PCDH19: variants seen among roughly 807,000 people sequenced by gnomAD.
PCDH19 encodes protocadherin 19.
A neutral mutation model predicts 46.2 loss-of-function variants in PCDH19; 6 were observed. The ratio of observed to expected loss-of-function variants is 0.13; its 90% CI spans 0.07 to 0.26. The LOEUF is 0.26. Among genes scored for constraint, PCDH19 ranks in the 10% least tolerant of loss-of-function variants. The probability of loss-of-function intolerance (pLI) is 1.00; values close to 1 mark genes in which losing one functional copy is unlikely to be tolerated. For synonymous variants in PCDH19, 481 were observed against 415.7 expected, an observed-to-expected ratio of 1.16 and a Z score of -1.91; for missense variants, 740 against 972.3, an observed-to-expected ratio of 0.76 and a Z score of 3.18.
intron 3 of PCDH19, among the ~76,000 whole-genome samples, chrX:100,360,456 T>C (rs1015462424): frequency 8.9e-6 from 1 of 112,603 alleles, no homozygotes; most frequent in African/African-American, 3.2e-5. Flanking sequence ...TTCTCTTTTG[T>C]CGCAGATATT....
chrX:100,406,810 A>T lies in PCDH19; in HGVS notation c.1788T>A (p.Asp596Glu). Residue 596 changes from aspartate to glutamate, a missense_variant, in exon 1 of 6, where the codon GAT becomes GAA. By Grantham distance (45) the Asp-to-Glu change is conservative. Around this residue, in one of 5 missense-constraint regions of PCDH19, gnomAD observed 416 missense variants for 476.8 expected, o/e 0.87. Coordinates refer to ENST00000373034, the MANE Select transcript of PCDH19 (RefSeq NM_001184880.2). ...AGGTGACTCGGCCATTTTCGCCCTC[A>T]TCGTAGTCTTCTGCCTTGACAACAG... is the stretch of plus-strand genomic sequence containing the variant. Reference protein sequence around the residue: ...LVTVVKAEDYDEGENGRVTYD... With the variant: ...LVTVVKAEDYEEGENGRVTYD... 1 of 1,211,706 alleles carries T rather than the reference A, an allele frequency of 8.3e-7. No individual in the cohort carries two copies. Among genetic ancestry groups the T allele is most frequent in the Non-Finnish European group, 1.1e-6 (1 of 895,516 alleles).
At chrX:100,323,954 G>A (rs1040888189) in intron 5 of PCDH19, among the ~76,000 whole-genome samples, 1 of 111,222 alleles carries the variant, frequency 9.0e-6, no homozygotes, top group African/African-American at 3.3e-5. Flanking sequence ...GAAGATAGGG[G>A]AAAGGAGTTT....
At chrX:100,318,624 G>C (rs1225411471) in intron 5 of PCDH19, among the ~76,000 whole-genome samples, 1 of 112,150 alleles carries the variant, frequency 8.9e-6, no homozygotes, top group African/African-American at 3.2e-5. Context: ...GAAAGAACAG[G>C]TCATTTTAAC....
At chrX:100,312,349 C>G (rs1027533402) in intron 5 of PCDH19, among the ~76,000 whole-genome samples, 6 of 111,543 alleles carry the variant, frequency 5.4e-5, no homozygotes, top group Admixed American at 2.9e-4. Context: ...CAAGCCTAAC[C>G]TGGAATTTAT....
Position 100,350,648 on chromosome X carries a change from C to G in PCDH19, c.2673G>C (p.Lys891Asn). 8.5e-7 allele frequency: 1 copy of G among 1,180,854 alleles called. No homozygotes were observed. Among genetic ancestry groups the G allele is most frequent in the Non-Finnish European group, 1.2e-6 (1 of 867,268 alleles). ...AATAAGCAAGCAAACCAACATACCT[C>G]TTGATTAAATGGGCTCGGCTATTCA... ...NYVNSRAHLI[K>N]SSSTFKDLEG... The change falls in exon 4 of 6, where the codon AAG (lysine) becomes AAC (asparagine). Residue 891 changes from lysine to asparagine, a missense_variant and splice_region_variant. Coordinates refer to ENST00000373034, the MANE Select transcript of PCDH19 (RefSeq NM_001184880.2).
In PCDH19 at chrX:100,293,226, C is replaced by G. The variant is rs771520895; in HGVS notation, c.*3051G>C. 8.9e-6 allele frequency: 1 copy of G among 111,957 alleles called. No homozygotes were observed. Among genetic ancestry groups the G allele is most frequent in the South Asian group, 3.7e-4 (1 of 2,676 alleles). 9.2% of individuals were successfully genotyped at this position (111,957 alleles called of 1,213,427 possible). A position where few individuals can be genotyped will look rare whatever the true frequency, so the allele number is the denominator to read the frequency against. The stretch of plus-strand genomic sequence containing the variant: ...AGAGATCAGTGGATCACTAAGCGAA[C>G]AATTTTGTCTAAATGAACACCTTAG... On this transcript the variant is annotated 3_prime_UTR_variant, in exon 6 of 6. Transcript: ENST00000373034.
At chrX:100,301,261 C>T (rs777329895) in intron 5 of PCDH19, among the ~76,000 whole-genome samples, 1 of 111,773 alleles carries the variant, frequency 8.9e-6, no homozygotes, top group Non-Finnish European at 1.9e-5. Context: ...CTAAGAGGCT[C>T]TGCTGGGTTT....
Position 100,299,572 on chromosome X carries a change from C to T in PCDH19, c.2849-2697G>A, listed in dbSNP as rs193290523. Among the ~76,000 whole-genome samples the T allele has an allele frequency of 7.2e-5, 8 of 111,219 alleles. No individual in the cohort carries two copies. In the East Asian group the frequency reaches 8.5e-4, roughly 12 times the overall value. On this transcript the variant is annotated intron_variant, in intron 5 of 5. Transcript: ENST00000373034. ...AGAATAGAGAGCCCAGAGACAGACA[C>T]CTCCAAGATCTTATAAATCTTGGAA... is the stretch of plus-strand genomic sequence containing the variant.
chrX:100,405,174 C>T (rs755741822), intron 1 of PCDH19, among the ~76,000 whole-genome samples: 1 of 112,209 alleles, frequency 8.9e-6, no homozygotes, highest in African/African-American at 3.2e-5. Context: ...GCATTTCAGA[C>T]GGTGTCAAAT....
In PCDH19 at chrX:100,406,022, A is replaced by G. The variant is rs1420366136; in HGVS notation, c.2147+429T>C. ...CTGCAACAAGACAGGGTAGCTGCCA[A>G]CACTCCCTCTCCTTTCATTCAGTAC... On this transcript the variant is annotated intron_variant, in intron 1 of 5. Coordinates refer to ENST00000373034, the MANE Select transcript of PCDH19 (RefSeq NM_001184880.2). Among the ~76,000 whole-genome samples, 4 of 110,408 alleles carry G rather than the reference A, an allele frequency of 3.6e-5. 1 individual carries two copies. Among genetic ancestry groups the G allele is most frequent in the East Asian group, 2.9e-4 (1 of 3,486 alleles).
intron 3 of PCDH19, among the ~76,000 whole-genome samples, chrX:100,401,452 A>T (rs1928176088): frequency 9.0e-6 from 1 of 111,648 alleles, no homozygotes; most frequent in Non-Finnish European, 1.9e-5. Context: ...CAGGAGTTTG[A>T]GACCAGCCTG....
chrX:100,355,806 G>A (rs1417944171), intron 3 of PCDH19, among the ~76,000 whole-genome samples: 1 of 111,289 alleles, frequency 9.0e-6, no homozygotes, highest in Non-Finnish European at 1.9e-5. Flanking sequence ...ACATTTCTAC[G>A]TTAGTAAGTC....
At chrX:100,322,863 A>ATTTTTTTTT (rs1358059816) in intron 5 of PCDH19, among the ~76,000 whole-genome samples, 15 of 40,116 alleles carry the variant, frequency 3.7e-4, no homozygotes, top group African/African-American at 9.8e-4. Context: ...ATATATATAT[A>ATTTTTTTTT]TATTTTTGCA....
rs1200069748 is a variant in PCDH19 at position 100,398,785 on chromosome X, T to C, written c.2616+3739A>G. Among the ~76,000 whole-genome samples, 8 of 112,159 alleles carry C rather than the reference T, an allele frequency of 7.1e-5. 1 individual carries two copies. The South Asian group carries it at 3.0e-3, about 42-fold the overall frequency. On this transcript the variant is annotated intron_variant, in intron 3 of 5. Transcript: ENST00000373034. ...CAAAGTGTGATAGAGTGAGTACAGC[T>C]AGCACGCAACAGGTCTGAGTGGACT... is the stretch of plus-strand genomic sequence containing the variant.
intron 3 of PCDH19, among the ~76,000 whole-genome samples, chrX:100,367,442 T>C (rs1927097502): frequency 8.9e-6 from 1 of 112,310 alleles, no homozygotes; most frequent in South Asian, 3.8e-4. Flanking sequence ...AGGAAATTTA[T>C]TTATCACAGT....
Position 100,296,608 on chromosome X carries a change from A to T in PCDH19, c.3116T>A (p.Val1039Asp), listed in dbSNP as rs1924617263. Residue 1039 changes from valine (V) to aspartate (D), a missense_variant, in exon 6 of 6, where the codon GTC becomes GAC. Val to Asp is a radical substitution (Grantham distance 152). Transcript: ENST00000373034. ...ERPTLKGKRT[V>D]DVTICSPKVN... The stretch of plus-strand genomic sequence containing the variant: ...CTTGGGGCTGCAGATGGTCACATCG[A>T]CAGTCCTCTTGCCTTTCAGGGTAGG... 8.3e-7 allele frequency: 1 copy of T among 1,209,644 alleles called. No individual in the cohort carries two copies. The highest frequency in any genetic ancestry group is 1.8e-5 in the African/African-American group (1 of 57,032).
At chrX:100,356,041 T>C (rs1479337921) in intron 3 of PCDH19, among the ~76,000 whole-genome samples, 2 of 108,633 alleles carry the variant, frequency 1.8e-5, no homozygotes, top group African/African-American at 6.7e-5. Context: ...CTAGACTCTT[T>C]GTCCAGTGGC....
At chrX:100,377,943 T>C (rs1227340210) in intron 3 of PCDH19, among the ~76,000 whole-genome samples, 1 of 112,392 alleles carries the variant, frequency 8.9e-6, no homozygotes, top group Admixed American at 9.4e-5. Context: ...GAATAAGCGT[T>C]GGTGATTAAC....
intron 3 of PCDH19, among the ~76,000 whole-genome samples, chrX:100,363,109 C>T (rs1229426890): frequency 9.0e-6 from 1 of 110,796 alleles, no homozygotes; most frequent in Non-Finnish European, 1.9e-5. Flanking sequence ...AGTTTGAGAC[C>T]AGCCTGCCCA....
Sources: gnomAD v4.1 joint callset for allele counts (sites outside exome capture counted in the v4.1 genomes callset) on GRCh38, gnomAD v4.1.1 for gene constraint, gnomAD v4.1.1 regional missense constraint, MANE v1.5 for transcripts, NCBI Gene and HGNC (gene_info 2026-07-23, HGNC 2026-07-21) for gene names.